Variants in PPIL2 observed in about 807,000 individuals in gnomAD.
The protein encoded by PPIL2 is peptidylprolyl isomerase like 2, also known as RING-type E3 ubiquitin-protein ligase PPIL2.
In PPIL2, 50 loss-of-function variants were observed where a neutral mutation model predicts 75.2. The ratio of observed to expected loss-of-function variants is 0.66; its 90% CI spans 0.53 to 0.84. The LOEUF (loss-of-function observed/expected upper bound fraction) is 0.84. Among genes scored for constraint, PPIL2 ranks in the 40% least tolerant of loss-of-function variants. PPIL2 has a pLI of 0.00. For missense variants in PPIL2, 590 were observed against 685.0 expected (o/e 0.86, Z 1.55); for synonymous variants, 245 against 258.8 (o/e 0.95, Z 0.51).
Position 21,696,607 on chromosome 22 carries a change from T to C in PPIL2, c.*1117T>C. 1.4e-6 allele frequency: 2 copies of C among 1,477,424 alleles called. No homozygotes were observed. The highest frequency in any genetic ancestry group is 2.7e-5 in the South Asian group (2 of 73,392). 91.5% of individuals were successfully genotyped at this position (1,477,424 alleles called of 1,614,324 possible). A position where few individuals can be genotyped will look rare whatever the true frequency, so the allele number is the denominator to read the frequency against. On this transcript the variant is annotated 3_prime_UTR_variant, in exon 20 of 20. Transcript: ENST00000398831. ...TGGTCAGTGTTCTCATGTCATGGAC[T>C]CTCCTTGCCTGACACTTGCCTCTTG...
At chr22:21,667,528 C>G (rs974520654) in intron 1 of PPIL2, among the ~76,000 whole-genome samples, 2 of 152,072 alleles carry the variant, frequency 1.3e-5, no homozygotes, top group African/African-American at 4.8e-5. Flanking sequence ...TTCTGAAGCC[C>G]TTCTTTGGTA....
intron 15 of PPIL2, among the ~76,000 whole-genome samples, chr22:21,689,209 G>A (rs892652572): frequency 2.6e-5 from 4 of 152,198 alleles, no homozygotes; most frequent in South Asian, 2.1e-4. Flanking sequence ...AGGGAGAGGC[G>A]CCTGGAGAGA....
At chr22:21,686,710 C>T in intron 11 of PPIL2, 152 bp downstream of exon 11, 1 of 1,043,752 alleles carries the variant, frequency 9.6e-7, no homozygotes, top group Non-Finnish European at 1.4e-6. Context: ...TGAACCCCTG[C>T]CAGCCCCATG....
intron 9 of PPIL2, 134 bp from the exon 10 acceptor site, chr22:21,684,609 ACTGTGGCATT>A (rs2067276041): frequency 2.1e-6 from 2 of 973,418 alleles, no homozygotes; most frequent in African/African-American, 1.6e-5. Flanking sequence ...GTAGCGGGGC[ACTGTGGCATT>A]CTGTGGCTGG....
At chr22:21,674,380 G>A (rs893256572) in intron 5 of PPIL2, among the ~76,000 whole-genome samples, 2 of 152,106 alleles carry the variant, frequency 1.3e-5, no homozygotes, top group East Asian at 1.9e-4. Context: ...TAAGAAAAAA[G>A]AAAAAACATC....
At chr22:21,666,514 A>C (rs1375596401) in intron 1 of PPIL2, among the ~76,000 whole-genome samples, 2 of 152,152 alleles carry the variant, frequency 1.3e-5, no homozygotes, top group Non-Finnish European at 2.9e-5. Flanking sequence ...GAGCCTTCTA[A>C]TTTAAAGCAA....
At position 21,697,160 on chromosome 22, in the gene PPIL2, A is replaced by T; in HGVS notation, c.*1670A>T. On this transcript the variant is annotated 3_prime_UTR_variant, in exon 20 of 20. Transcript: ENST00000398831. The stretch of plus-strand genomic sequence containing the variant: ...AGTAACTGGCTTGTAAGAGGCTCAG[A>T]CACCAAGCTGGGCCTGCAGAGGAGG... 1 of 686,458 alleles carries T rather than the reference A, an allele frequency of 1.5e-6. No homozygotes were observed. The highest frequency in any genetic ancestry group is 1.9e-5 in the South Asian group (1 of 52,756). The allele number at this position is 686,458 out of a possible 1,614,324, so 42.5% of individuals were successfully genotyped here.
intron 3 of PPIL2, 24 bp from the exon 4 acceptor site, chr22:21,670,973 C>T (rs1391578415): frequency 6.2e-7 from 1 of 1,600,384 alleles, no homozygotes; most frequent in African/African-American, 1.3e-5. Flanking sequence ...TGGCAACTCA[C>T]CAGGAATGAC....
Position 21,697,143 on chromosome 22 carries a change from G to C in PPIL2, c.*1653G>C. On this transcript the variant is annotated 3_prime_UTR_variant, in exon 20 of 20. Transcript: ENST00000398831. The stretch of plus-strand genomic sequence containing the variant: ...CCTGGTGCAGCCCTGGCAGTAACTG[G>C]CTTGTAAGAGGCTCAGACACCAAGC... The C allele has an allele frequency of 1.3e-6, 1 of 768,462 alleles. No homozygotes were observed. Among genetic ancestry groups the C allele is most frequent in the Non-Finnish European group, 2.0e-6 (1 of 487,898 alleles). The allele number at this position is 768,462 out of a possible 1,614,324, so 47.6% of individuals were successfully genotyped here.
At chr22:21,666,714 C>G (rs951040740) in intron 1 of PPIL2, among the ~76,000 whole-genome samples, 1 of 152,114 alleles carries the variant, frequency 6.6e-6, no homozygotes, top group Non-Finnish European at 1.5e-5. Flanking sequence ...GAGGCTGAGG[C>G]AGGGGAATCG....
intron 15 of PPIL2, among the ~76,000 whole-genome samples, chr22:21,692,035 G>T (rs1165087206): frequency 2.0e-5 from 3 of 150,070 alleles, no homozygotes. Flanking sequence ...CGTGCCGCCA[G>T]CGCCGGGACC....
chr22:21,673,267 T>TC (rs1339420712), intron 5 of PPIL2, among the ~76,000 whole-genome samples: 2 of 152,184 alleles, frequency 1.3e-5, no homozygotes, highest in African/African-American at 4.8e-5. Context: ...CCCAGGGGCT[T>TC]CCCCCAAGGT....
intron 5 of PPIL2, 43 bp downstream of exon 5, chr22:21,672,424 A>G (rs1435121861): frequency 2.8e-5 from 43 of 1,536,372 alleles, no homozygotes; most frequent in Non-Finnish European, 3.5e-5. Context: ...AGTGAATGCT[A>G]TCCTCTCACT....
At chr22:21,676,224 C>T (rs1292407370) in intron 6 of PPIL2, among the ~76,000 whole-genome samples, 1 of 148,766 alleles carries the variant, frequency 6.7e-6, no homozygotes, top group Non-Finnish European at 1.5e-5. Flanking sequence ...GGTGGGCTGC[C>T]TCCCCTCCTG....
intron 10 of PPIL2, chr22:21,685,614 C>CA (rs1054482935): frequency 3.4e-5 from 14 of 417,442 alleles, no homozygotes; most frequent in Middle Eastern, 7.1e-4. Flanking sequence ...TGATATATTA[C>CA]TTTTTTTTTT....
At position 21,697,071 on chromosome 22, in the gene PPIL2, C is replaced by CT; in HGVS notation, c.*1585dup. On this transcript the variant is annotated 3_prime_UTR_variant, in exon 20 of 20. Coordinates refer to ENST00000398831, the MANE Select transcript of PPIL2 (RefSeq NM_014337.4). ...GTCGGGCCCCTGGGCTCTAGAGTGA[C>CT]TTTTGACGCCCTCCATCCCTCCCGC... 7.3e-7 allele frequency: 1 copy of CT among 1,371,984 alleles called. No individual in the cohort carries two copies. Among genetic ancestry groups the CT allele is most frequent in the South Asian group, 1.3e-5 (1 of 74,298 alleles). 85.0% of individuals were successfully genotyped at this position (1,371,984 alleles called of 1,614,324 possible).
rs901924518 is a variant in PPIL2 at position 21,696,581 on chromosome 22, G to A, written c.*1091G>A. On this transcript the variant is annotated 3_prime_UTR_variant, in exon 20 of 20. Coordinates refer to ENST00000398831, the MANE Select transcript of PPIL2 (RefSeq NM_014337.4). ...TTTTCTTCGTCTTCAGCCCAGGCCA[G>A]TGGTCAGTGTTCTCATGTCATGGAC... 1.3e-5 allele frequency: 19 copies of A among 1,433,464 alleles called. No homozygotes were observed. In the Admixed American group the frequency reaches 3.9e-4, roughly 30 times the overall value. 88.8% of individuals were successfully genotyped at this position (1,433,464 alleles called of 1,614,324 possible).
chr22:21,681,523 T>C (rs1037700358), intron 7 of PPIL2, 133 bp downstream of exon 7: 2 of 770,392 alleles, frequency 2.6e-6, no homozygotes, highest in Non-Finnish European at 4.2e-6. Flanking sequence ...GCCACAGGCA[T>C]GGTCATCTAG....
Position 21,695,935 on chromosome 22 carries a change from C to CCTCA in PPIL2, c.*446_*449dup, listed in dbSNP as rs1174904011. ...CTCCTGGGCTCAAGCAATCCTCCTG[C>CCTCA]CTCAGCCTCGCAAGTAGCTGGGACT... On this transcript the variant is annotated 3_prime_UTR_variant, in exon 20 of 20. Coordinates refer to ENST00000398831, the MANE Select transcript of PPIL2 (RefSeq NM_014337.4). 5 of 806,404 alleles carry CCTCA rather than the reference C, an allele frequency of 6.2e-6. No individual in the cohort carries two copies. Among genetic ancestry groups the CCTCA allele is most frequent in the Non-Finnish European group, 7.7e-6 (5 of 650,318 alleles). 50.0% of individuals were successfully genotyped at this position (806,404 alleles called of 1,614,324 possible). A position where few individuals can be genotyped will look rare whatever the true frequency, so the allele number is the denominator to read the frequency against.
Sources: gnomAD v4.1 joint callset for allele counts (sites outside exome capture counted in the v4.1 genomes callset) on GRCh38, gnomAD v4.1.1 for gene constraint, MANE v1.5 for transcripts, NCBI Gene and HGNC (gene_info 2026-07-23, HGNC 2026-07-21) for gene names.